Variants in SPIRE1 observed in about 807,000 individuals in gnomAD.
SPIRE1 encodes the protein spire type actin nucleation factor 1.
Under a neutral mutation model 94.1 loss-of-function variants are expected in SPIRE1, and 40 were observed. The ratio of observed to expected loss-of-function variants is 0.43; its 90% confidence interval spans 0.33 to 0.55. SPIRE1 has a LOEUF of 0.55. SPIRE1 is among the 20% of genes least tolerant of loss of function. The probability of loss-of-function intolerance (pLI) is 0.06; values close to 1 mark genes in which losing one functional copy is unlikely to be tolerated. For synonymous variants in SPIRE1, 376 were observed against 371.7 expected, an observed-to-expected ratio of 1.01 and a Z score of -0.13; for missense variants, 838 against 975.2, an observed-to-expected ratio of 0.86 and a Z score of 1.87.
intron 14 of SPIRE1, chr18:12,452,753 C>CTA: frequency 1.6e-6 from 1 of 607,532 alleles, no homozygotes. Flanking sequence ...TCTTATTTGT[C>CTA]TATCCAGGGA....
chr18:12,633,367 G>C (rs190773602), intron 2 of SPIRE1, among the ~76,000 whole-genome samples: 42 of 152,128 alleles, frequency 2.8e-4, no homozygotes, highest in Non-Finnish European at 4.9e-4. Flanking sequence ...ACCTGAGACC[G>C]GGAGTTTGAG....
chr18:12,617,199 G>T (rs573038814), intron 2 of SPIRE1, among the ~76,000 whole-genome samples: 4 of 140,896 alleles, frequency 2.8e-5, no homozygotes, highest in African/African-American at 1.1e-4. Context: ...TCGCTCTGTC[G>T]CCCAGGCTGG....
At chr18:12,482,121 G>C (rs513230) in intron 9 of SPIRE1, among the ~76,000 whole-genome samples, 9,562 of 152,178 alleles carry the variant, frequency 0.063, 429 homozygotes, top group African/African-American at 0.12. Context: ...CCACTGCACA[G>C]AGGAACACTC....
rs542956657 is a variant in SPIRE1 at position 12,461,594 on chromosome 18, CATACACACACAT to C, written c.1638+1745_1638+1756del. ...ATGTACATACATATGTATATACATA[CATACACACACAT>C]ATACACACACATACACATATGTGTG... is the stretch of plus-strand genomic sequence containing the variant. On this transcript the variant is annotated intron_variant, in intron 12 of 16. Transcript: ENST00000409402. Among the ~76,000 whole-genome samples the C allele has an allele frequency of 1.1e-3, 165 of 148,322 alleles. 1 individual carries two copies. The highest frequency in any genetic ancestry group is 6.0e-3 in the East Asian group (31 of 5,148).
At chr18:12,635,562 T>C (rs2037899275) in intron 1 of SPIRE1, among the ~76,000 whole-genome samples, 1 of 152,200 alleles carries the variant, frequency 6.6e-6, no homozygotes, top group Admixed American at 6.5e-5. Flanking sequence ...CTTTAATATA[T>C]GCTGACTGTT....
intron 2 of SPIRE1, among the ~76,000 whole-genome samples, chr18:12,623,385 C>T (rs2037531902): frequency 1.3e-5 from 2 of 152,024 alleles, no homozygotes; most frequent in African/African-American, 4.8e-5. Context: ...AATCTCCTGA[C>T]CTCGTGATCT....
At chr18:12,643,835 A>G (rs1171456307) in intron 1 of SPIRE1, among the ~76,000 whole-genome samples, 3 of 152,042 alleles carry the variant, frequency 2.0e-5, no homozygotes, top group Non-Finnish European at 4.4e-5. Flanking sequence ...CATTTTTATT[A>G]TACTTATGAA....
At chr18:12,572,047 G>A (rs1023250489) in intron 2 of SPIRE1, among the ~76,000 whole-genome samples, 1 of 152,218 alleles carries the variant, frequency 6.6e-6, no homozygotes, top group African/African-American at 2.4e-5. Flanking sequence ...TTATACAGGA[G>A]CAGATGGGGT....
chr18:12,591,988 A>AT (rs1418362148), intron 2 of SPIRE1, among the ~76,000 whole-genome samples: 1 of 151,592 alleles, frequency 6.6e-6, no homozygotes, highest in Non-Finnish European at 1.5e-5. Context: ...AAAAAAAAAA[A>AT]AAAAATCAAG....
chr18:12,523,950 AT>A (rs925760073), intron 4 of SPIRE1, among the ~76,000 whole-genome samples: 4 of 152,152 alleles, frequency 2.6e-5, no homozygotes, highest in East Asian at 1.9e-4. Context: ...TAAAGTATGT[AT>A]TTTTTTGATG....
chr18:12,564,143 C>A (rs1250409759), intron 2 of SPIRE1, among the ~76,000 whole-genome samples: 2 of 152,018 alleles, frequency 1.3e-5, no homozygotes, highest in African/African-American at 2.4e-5. Context: ...AGCAAAACAT[C>A]CAGGAAAATT....
intron 2 of SPIRE1, among the ~76,000 whole-genome samples, chr18:12,600,595 CCTT>C (rs2036805082): frequency 6.6e-6 from 1 of 152,194 alleles, no homozygotes; most frequent in Non-Finnish European, 1.5e-5. Flanking sequence ...CATCATCACT[CCTT>C]CTATATTTGT....
intron 10 of SPIRE1, among the ~76,000 whole-genome samples, chr18:12,473,708 T>G (rs1249858128): frequency 6.6e-6 from 1 of 152,254 alleles, no homozygotes; most frequent in Non-Finnish European, 1.5e-5. Context: ...TCTAATTTCA[T>G]GAGTATTTGA....
intron 2 of SPIRE1, among the ~76,000 whole-genome samples, chr18:12,598,875 T>C (rs1398682787): frequency 6.6e-6 from 1 of 152,214 alleles, no homozygotes. Context: ...AATTTTTGTA[T>C]CACTTTAAGT....
At chr18:12,498,663 A>G (rs1420081126) in intron 6 of SPIRE1, among the ~76,000 whole-genome samples, 1 of 152,164 alleles carries the variant, frequency 6.6e-6, no homozygotes, top group Non-Finnish European at 1.5e-5. Flanking sequence ...GGCTTGTTCT[A>G]TGACCCAGGT....
At chr18:12,539,576 T>TACAC (rs1274536449) in intron 3 of SPIRE1, among the ~76,000 whole-genome samples, 3 of 144,548 alleles carry the variant, frequency 2.1e-5, no homozygotes, top group Non-Finnish European at 3.0e-5. Context: ...AACATACACA[T>TACAC]ACACACACAC....
chr18:12,480,002 G>C, intron 9 of SPIRE1, 131 bp from the exon 10 acceptor site: 3 of 713,822 alleles, frequency 4.2e-6, no homozygotes, highest in Non-Finnish European at 6.5e-6. Context: ...CCTATGTATA[G>C]AAAACTTCTT....
chr18:12,494,540 A>T lies in SPIRE1; in HGVS notation c.1060-1339T>A, dbSNP rs139056347. On this transcript the variant is annotated intron_variant, in intron 7 of 16. Coordinates refer to ENST00000409402, the MANE Select transcript of SPIRE1 (RefSeq NM_001128626.2). ...TCTTCAGAGTAAAAAGCTCAGAGAAAAAACCTCGGCCGGGCACGGTGGCTC... is the reference window on the plus strand; with the variant it reads ...TCTTCAGAGTAAAAAGCTCAGAGAATAAACCTCGGCCGGGCACGGTGGCTC... 4.9e-4 allele frequency among the ~76,000 whole-genome samples: 75 copies of T among 152,132 alleles called. No individual in the cohort carries two copies. In the East Asian group the frequency reaches 0.014, roughly 28 times the overall value.
At chr18:12,572,768 G>C in intron 2 of SPIRE1, among the ~76,000 whole-genome samples, 1 of 152,082 alleles carries the variant, frequency 6.6e-6, no homozygotes, top group East Asian at 1.9e-4. Context: ...AGGAGCAAAA[G>C]CAATACAAAA....
Sources: gnomAD v4.1 joint callset for allele counts (sites outside exome capture counted in the v4.1 genomes callset) on GRCh38, gnomAD v4.1.1 for gene constraint, MANE v1.5 for transcripts, NCBI Gene and HGNC (gene_info 2026-07-23, HGNC 2026-07-21) for gene names.